The following TANC2 variants were observed in gnomAD, a reference collection of about 807,000 sequenced individuals.
TANC2 encodes the protein protein TANC2.
Under a neutral mutation model 210.5 loss-of-function variants are expected in TANC2, and 26 were observed. The observed-to-expected ratio is 0.12, with a 90% CI of 0.09 to 0.17. The LOEUF (loss-of-function observed/expected upper bound fraction) is 0.17, where lower values mean the gene tolerates loss of function less well. Ranked by LOEUF, TANC2 falls within the 10% of genes least tolerant of loss-of-function variation. The pLI, the probability that TANC2 is intolerant of heterozygous loss-of-function variation, is 1.00. For missense variants in TANC2, 2,129 were observed against 2,608.9 expected, an observed-to-expected ratio of 0.82 and a Z score of 4.01; for synonymous variants, 931 against 967.1, an observed-to-expected ratio of 0.96 and a Z score of 0.69.
intron 5 of TANC2, chr17:63,153,354 T>G (rs902797258): frequency 6.6e-6 from 1 of 152,206 alleles, no homozygotes; most frequent in African/African-American, 2.4e-5. Flanking sequence ...CTACTAGTGT[T>G]CTGATACCTT....
At chr17:63,170,811 A>G (rs988233242) in intron 5 of TANC2, among the ~76,000 whole-genome samples, 25 of 152,216 alleles carry the variant, frequency 1.6e-4, no homozygotes, top group African/African-American at 4.3e-4. Flanking sequence ...TTGGACTACA[A>G]GATCCATCTC....
At chr17:63,290,953 T>A (rs2044365313) in intron 9 of TANC2, among the ~76,000 whole-genome samples, 1 of 152,180 alleles carries the variant, frequency 6.6e-6, no homozygotes, top group African/African-American at 2.4e-5. Context: ...AGACTTTAGT[T>A]ACTAAATGGA....
Position 63,034,659 on chromosome 17 carries a change from A to G in TANC2, c.67+25033A>G, listed in dbSNP as rs900633875. Among the ~76,000 whole-genome samples the G allele has an allele frequency of 3.3e-5, 5 of 152,320 alleles. No homozygotes were observed. In the South Asian group the frequency reaches 8.3e-4, roughly 25 times the overall value. ...TTCATGGGAGGAGGTCAAAATGTCAACATTAACAGAAGTTTGGAAGAAGTT... is the reference window on the plus strand; with the variant it reads ...TTCATGGGAGGAGGTCAAAATGTCAGCATTAACAGAAGTTTGGAAGAAGTT... On this transcript the variant is annotated intron_variant, in intron 2 of 27. Coordinates refer to ENST00000689528, the Ensembl canonical transcript of TANC2.
At chr17:63,352,469 A>T (rs2046642086) in intron 13 of TANC2, among the ~76,000 whole-genome samples, 1 of 152,202 alleles carries the variant, frequency 6.6e-6, no homozygotes, top group Non-Finnish European at 1.5e-5. Flanking sequence ...ATCCATCTTT[A>T]CAACTAAAAA....
chr17:63,367,757 G>A (rs567223588), intron 14 of TANC2, among the ~76,000 whole-genome samples: 2 of 152,304 alleles, frequency 1.3e-5, no homozygotes, highest in East Asian at 1.9e-4. Context: ...TTGGGGAACT[G>A]TGAGCAGCTA....
At chr17:63,073,071 C>G (rs559593258) in intron 2 of TANC2, among the ~76,000 whole-genome samples, 1 of 151,908 alleles carries the variant, frequency 6.6e-6, no homozygotes, top group African/African-American at 2.4e-5. Context: ...TATGAAAGAA[C>G]GAACAAAGGA....
Position 63,418,536 on chromosome 17 carries a change from T to TATGGGAGCCATCCCCAAAGC in TANC2, c.4268+129_4268+130insATGGGAGCCATCCCCAAAGC. The TATGGGAGCCATCCCCAAAGC allele has an allele frequency of 1.3e-6, 1 of 786,892 alleles. No homozygotes were observed. 48.7% of individuals were successfully genotyped at this position (786,892 alleles called of 1,614,324 possible). ...TCCTTGAGAACTGTCAGGGCCAAGC[T>TATGGGAGCCATCCCCAAAGC]TTGGGGATGGCTCCCATAGCACAGC... is the stretch of plus-strand genomic sequence containing the variant. On this transcript the variant is annotated intron_variant, in intron 27 of 27. Coordinates refer to ENST00000689528, the Ensembl canonical transcript of TANC2. The surrounding 1 kb of genome is among the most constrained non-coding windows in gnomAD (Gnocchi z 4.6).
chr17:63,122,074 A>G (rs2038505521), intron 4 of TANC2, among the ~76,000 whole-genome samples: 1 of 152,170 alleles, frequency 6.6e-6, no homozygotes, highest in African/African-American at 2.4e-5. Flanking sequence ...TTGAATCTGG[A>G]AGGCTTACTC....
At chr17:63,371,544 A>G (rs957467912) in intron 14 of TANC2, among the ~76,000 whole-genome samples, 4 of 152,198 alleles carry the variant, frequency 2.6e-5, no homozygotes, top group Non-Finnish European at 4.4e-5. Context: ...GTTTGTCATC[A>G]TAATGAAATC....
intron 5 of TANC2, among the ~76,000 whole-genome samples, chr17:63,168,988 G>T (rs985303676): frequency 1.3e-5 from 2 of 152,132 alleles, no homozygotes; most frequent in African/African-American, 4.8e-5. Context: ...TATACCCGGA[G>T]GATTCATTAT....
Position 63,331,860 on chromosome 17 carries a change from G to GTC in TANC2, c.1576-8240_1576-8239insCT, listed in dbSNP as rs754623736. 277 of 105,122 alleles carry GTC rather than the reference G, an allele frequency of 2.6e-3. 4 individuals are homozygous for GTC. The highest frequency in any genetic ancestry group is 6.0e-3 in the Admixed American group (47 of 7,782). 6.5% of individuals were successfully genotyped at this position (105,122 alleles called of 1,614,324 possible). A position where few individuals can be genotyped will look rare whatever the true frequency, so the allele number is the denominator to read the frequency against. On this transcript the variant is annotated intron_variant, in intron 11 of 27. Coordinates refer to ENST00000689528, the Ensembl canonical transcript of TANC2. ...AGTGTGTGTGTGTGTGTGTGTCTGT[G>GTC]TGTGTGTGTGTGTGTGTGTGTGTGT...
At position 63,139,182 on chromosome 17, in the gene TANC2, C is replaced by T. The variant is rs192291126; in HGVS notation, c.323-12088C>T. Among the ~76,000 whole-genome samples the T allele has an allele frequency of 3.9e-5, 6 of 152,334 alleles. No homozygotes were observed. In the East Asian group the frequency reaches 5.8e-4, roughly 15 times the overall value. ...TTTATACTTGTTATCTCCCAATTCT[C>T]TTATTACCTAACCAGTATTCCAGTC... On this transcript the variant is annotated intron_variant, in intron 4 of 27. Coordinates refer to ENST00000689528, the Ensembl canonical transcript of TANC2.
intron 11 of TANC2, among the ~76,000 whole-genome samples, chr17:63,330,833 T>G (rs980809236): frequency 6.6e-6 from 1 of 152,144 alleles, no homozygotes; most frequent in African/African-American, 2.4e-5. Context: ...CCTAGCACTT[T>G]GAGAGGCCGA....
At chr17:63,209,513 A>G (rs1454592798) in intron 7 of TANC2, among the ~76,000 whole-genome samples, 1 of 152,058 alleles carries the variant, frequency 6.6e-6, no homozygotes, top group Non-Finnish European at 1.5e-5. Context: ...AGTTTGCTGC[A>G]ACCTCCACCT....
chr17:63,103,800 A>G (rs907519481), intron 4 of TANC2, among the ~76,000 whole-genome samples: 1 of 152,202 alleles, frequency 6.6e-6, no homozygotes, highest in Non-Finnish European at 1.5e-5. Flanking sequence ...TAGCAATAAT[A>G]ATGACAATAA....
intron 11 of TANC2, among the ~76,000 whole-genome samples, chr17:63,333,476 A>G (rs2146733354): frequency 6.6e-6 from 1 of 152,308 alleles, no homozygotes; most frequent in East Asian, 1.9e-4. Flanking sequence ...TAAAACTTGA[A>G]TGGATGTGGG....
At chr17:63,001,269 A>G (rs1343124394) in intron 1 of TANC2, among the ~76,000 whole-genome samples, 1 of 152,074 alleles carries the variant, frequency 6.6e-6, no homozygotes, top group African/African-American at 2.4e-5. Context: ...TATTCCTACA[A>G]TTTTCATGCC....
intron 1 of TANC2, among the ~76,000 whole-genome samples, chr17:62,974,232 T>C (rs976267301): frequency 6.6e-6 from 1 of 152,248 alleles, no homozygotes; most frequent in African/African-American, 2.4e-5. Context: ...ACCTCTCTGA[T>C]GACACCCTTA....
intron 7 of TANC2, among the ~76,000 whole-genome samples, chr17:63,209,665 C>A (rs755693075): frequency 6.6e-6 from 1 of 151,646 alleles, no homozygotes; most frequent in Non-Finnish European, 1.5e-5. Context: ...GAACTCCTGA[C>A]CTCGTGATCC....
Sources: gnomAD v4.1 joint callset for allele counts (sites outside exome capture counted in the v4.1 genomes callset) on GRCh38, gnomAD v4.1.1 for gene constraint, Gnocchi (gnomAD v3.1) non-coding constraint, MANE v1.5 for transcripts, NCBI Gene and HGNC (gene_info 2026-07-23, HGNC 2026-07-21) for gene names.